The following FRYL variants were observed in gnomAD, a reference collection of about 807,000 sequenced individuals.
FRYL encodes the protein FRY like transcription coactivator.
A neutral mutation model predicts 351.2 loss-of-function variants in FRYL; 150 were observed. The ratio of observed to expected loss-of-function variants is 0.43; its 90% CI spans 0.37 to 0.49. The LOEUF is 0.49. Among genes scored for constraint, FRYL ranks in the 20% least tolerant of loss-of-function variants. FRYL has a pLI of 0.00. For missense variants in FRYL, 3,036 were observed against 3,619.3 expected, an observed-to-expected ratio of 0.84 and a Z score of 4.13; for synonymous variants, 1,153 against 1,257.1, an observed-to-expected ratio of 0.92 and a Z score of 1.75.
In FRYL at chr4:48,513,872, C is replaced by A. The variant is rs530428847; in HGVS notation, c.7937+1156G>T. 1.1e-4 allele frequency among the ~76,000 whole-genome samples: 17 copies of A among 152,332 alleles called. No homozygotes were observed. In the South Asian group the frequency reaches 3.5e-3, roughly 32 times the overall value. ...AGCTGCAGTACTTGGCCAAAGTCAA[C>A]TGTTTGGCTTCAGCCTTTTAGAAAG... On this transcript the variant is annotated intron_variant, in intron 56 of 63. Transcript: ENST00000358350.
chr4:48,523,723 G>A (rs946100913), intron 53 of FRYL, among the ~76,000 whole-genome samples: 1 of 152,144 alleles, frequency 6.6e-6, no homozygotes, highest in Non-Finnish European at 1.5e-5. Context: ...ACATTTCTAT[G>A]ATACACTTTG....
intron 26 of FRYL, among the ~76,000 whole-genome samples, chr4:48,571,327 A>ACATGAGCAAACAACACAACAATTTT (rs1209596183): frequency 6.6e-6 from 1 of 152,222 alleles, no homozygotes; most frequent in African/African-American, 2.4e-5. Context: ...CTCATGCCAC[A>ACATGAGCAAACAACACAACAATTTT]GTTTTCTACA....
chr4:48,630,766 C>T (rs1752816387), intron 4 of FRYL, among the ~76,000 whole-genome samples: 2 of 152,106 alleles, frequency 1.3e-5, no homozygotes, highest in African/African-American at 4.8e-5. Flanking sequence ...AATGAAAAAG[C>T]CAATTCTCTC....
intron 12 of FRYL, 150 bp downstream of exon 12, chr4:48,603,140 A>G: frequency 1.6e-6 from 1 of 641,826 alleles, no homozygotes; most frequent in Admixed American, 3.0e-5. Flanking sequence ...AGCCACGCAA[A>G]ACATACGTAT....
Position 48,570,875 on chromosome 4 carries a change from A to G in FRYL, c.2948T>C (p.Leu983Pro). The G allele has an allele frequency of 6.2e-7, 1 of 1,614,004 alleles. No individual in the cohort carries two copies. Among genetic ancestry groups the G allele is most frequent in the Admixed American group, 1.7e-5 (1 of 60,032 alleles). Residue 983 changes from leucine to proline, a missense_variant, in exon 27 of 64, where the codon CTG becomes CCG. By Grantham distance (98) the Leu-to-Pro change is moderately conservative (BLOSUM62 -3). Transcript: ENST00000358350. ...TGCCAGCAGTTCAAATATTCGTACC[A>G]GTTGTACTCGTAAAATGTCTCGACG... ...RRRRDILRVQLVRIFELLADA... is the reference protein window; with the variant it reads ...RRRRDILRVQPVRIFELLADA...
In FRYL at chr4:48,634,459, G is replaced by A. The variant is rs757507693; in HGVS notation, c.-49C>T. 1 of 1,609,862 alleles carries A rather than the reference G, an allele frequency of 6.2e-7. No homozygotes were observed. The highest frequency in any genetic ancestry group is 8.5e-7 in the Non-Finnish European group (1 of 1,177,302). ...TGGAATGAAAGTTGGAAGAAGCACAGTATTTATTTACTTTGCTGACTGGCG... is the reference window on the plus strand; with the variant it reads ...TGGAATGAAAGTTGGAAGAAGCACAATATTTATTTACTTTGCTGACTGGCG... On this transcript the variant is annotated 5_prime_UTR_variant, in exon 4 of 64. Transcript: ENST00000358350.
chr4:48,640,773 C>G (rs530146263), intron 3 of FRYL, among the ~76,000 whole-genome samples: 1 of 151,952 alleles, frequency 6.6e-6, no homozygotes, highest in East Asian at 1.9e-4. Flanking sequence ...TCTGTAAACC[C>G]GAAATTATGC....
At position 48,678,117 on chromosome 4, in the gene FRYL, G is replaced by A. The variant is rs556667000; in HGVS notation, c.-81+6556C>T. ...AGATTCAAGAGAAGGTATTGGCCGG[G>A]TGCGGTGGCTCATGCCTGTAATCCC... On this transcript the variant is annotated intron_variant, in intron 3 of 63. Coordinates refer to ENST00000358350, the MANE Select transcript of FRYL (RefSeq NM_015030.2). 1.1e-3 allele frequency among the ~76,000 whole-genome samples: 166 copies of A among 152,254 alleles called. 1 individual carries two copies. The South Asian group carries it at 0.017, about 16-fold the overall frequency.
chr4:48,760,484 TAA>T lies in FRYL; in HGVS notation c.-384+19592_-384+19593del, dbSNP rs1578952901. ...TACACATTATTATATAGTCTGCAAA[TAA>T]AGAGTTTTACTTCTTCTTTTCCAAT... is the stretch of plus-strand genomic sequence containing the variant. On this transcript the variant is annotated intron_variant, in intron 1 of 63. Transcript: ENST00000358350. 2.0e-5 allele frequency among the ~76,000 whole-genome samples: 3 copies of T among 152,290 alleles called. No homozygotes were observed. In the East Asian group the frequency reaches 5.8e-4, roughly 29 times the overall value.
At chr4:48,566,625 CTGT>C (rs1736857396) in intron 28 of FRYL, among the ~76,000 whole-genome samples, 1 of 152,168 alleles carries the variant, frequency 6.6e-6, no homozygotes, top group South Asian at 2.1e-4. Flanking sequence ...TAGGTATCCA[CTGT>C]CTGTATATAC....
At chr4:48,615,898 G>C (rs1749331226) in intron 7 of FRYL, among the ~76,000 whole-genome samples, 1 of 152,178 alleles carries the variant, frequency 6.6e-6, no homozygotes, top group Non-Finnish European at 1.5e-5. Flanking sequence ...AAAAGGATGA[G>C]TTCATGTCCT....
chr4:48,643,028 C>A (rs1755636744), intron 3 of FRYL, among the ~76,000 whole-genome samples: 1 of 152,198 alleles, frequency 6.6e-6, no homozygotes, highest in Admixed American at 6.5e-5. Flanking sequence ...TTGTTCTCCA[C>A]TCTTCCCCTG....
chr4:48,528,375 T>G (rs1726741177), intron 50 of FRYL, 39 bp from the exon 51 acceptor site: 4 of 1,542,686 alleles, frequency 2.6e-6, no homozygotes, highest in Non-Finnish European at 2.6e-6. Flanking sequence ...GCTCAAATAT[T>G]TCAACATAAA....
intron 56 of FRYL, 46 bp downstream of exon 56, chr4:48,514,982 G>C: frequency 2.0e-6 from 3 of 1,535,790 alleles, no homozygotes; most frequent in Non-Finnish European, 2.7e-6. Context: ...AGGAATAGGG[G>C]AGAGATTATC....
chr4:48,592,115 T>C (rs1383158446), intron 16 of FRYL, among the ~76,000 whole-genome samples: 1 of 131,480 alleles, frequency 7.6e-6, no homozygotes, highest in Non-Finnish European at 1.6e-5. Context: ...TATATATATA[T>C]TTTATCTAAG....
chr4:48,727,499 T>C (rs1340889177), intron 1 of FRYL: 1 of 152,114 alleles, frequency 6.6e-6, no homozygotes, highest in Admixed American at 6.6e-5. Context: ...GACCTGTAAT[T>C]GACAAATTGT....
chr4:48,520,241 G>A (rs966015151), intron 55 of FRYL, among the ~76,000 whole-genome samples: 1 of 152,108 alleles, frequency 6.6e-6, no homozygotes, highest in Admixed American at 6.6e-5. Context: ...TGCTAATAAG[G>A]AAGCCAAAGT....
At chr4:48,566,833 T>C (rs1301897497) in intron 28 of FRYL, among the ~76,000 whole-genome samples, 2 of 152,216 alleles carry the variant, frequency 1.3e-5, no homozygotes, top group East Asian at 1.9e-4. Flanking sequence ...TTGGAACATA[T>C]CTGGTAAATC....
chr4:48,761,225 G>A (rs555144538), intron 1 of FRYL, among the ~76,000 whole-genome samples: 9 of 152,198 alleles, frequency 5.9e-5, no homozygotes, highest in Non-Finnish European at 7.4e-5. Context: ...TGGTGAATGA[G>A]AAGAGGCCAT....
Sources: allele counts gnomAD v4.1 joint callset (sites outside exome capture counted in the v4.1 genomes callset), GRCh38; gene constraint gnomAD v4.1.1; transcripts MANE v1.5; gene names NCBI Gene and HGNC (gene_info 2026-07-23, HGNC 2026-07-21).